DCP1B: variants seen among roughly 807,000 people sequenced by gnomAD.
The protein encoded by DCP1B is mRNA-decapping enzyme 1B.
In DCP1B, 47 loss-of-function variants were observed where a neutral mutation model predicts 60.5. That is an observed-to-expected ratio of 0.78 (90% CI 0.61 to 0.99). The LOEUF (loss-of-function observed/expected upper bound fraction) is 0.99, where lower values mean the gene tolerates loss of function less well. DCP1B is among the 50% of genes least tolerant of loss of function. DCP1B has a pLI of 0.00. For missense variants in DCP1B, 725 were observed against 756.8 expected, an observed-to-expected ratio of 0.96 and a Z score of 0.49; for synonymous variants, 267 against 280.3, an observed-to-expected ratio of 0.95 and a Z score of 0.47.
At chr12:1,987,137 C>T (rs1264714489) in intron 3 of DCP1B, among the ~76,000 whole-genome samples, 1 of 152,162 alleles carries the variant, frequency 6.6e-6, no homozygotes, top group Admixed American at 6.5e-5. Context: ...GCTTTACAAA[C>T]GATTTGTTAA....
chr12:1,977,913 T>C (rs750016866), intron 3 of DCP1B, among the ~76,000 whole-genome samples: 5 of 152,226 alleles, frequency 3.3e-5, no homozygotes, highest in Non-Finnish European at 5.9e-5. Context: ...TGTTCTATAA[T>C]AGCCACCAAG....
intron 7 of DCP1B, among the ~76,000 whole-genome samples, chr12:1,951,133 G>C (rs2030652138): frequency 6.6e-6 from 1 of 152,138 alleles, no homozygotes; most frequent in Admixed American, 6.5e-5. Flanking sequence ...AAATTAGCCA[G>C]GTGTGGTGGC....
chr12:1,974,757 T>C (rs186193471), intron 3 of DCP1B, among the ~76,000 whole-genome samples: 1 of 152,290 alleles, frequency 6.6e-6, no homozygotes, highest in Non-Finnish European at 1.5e-5. Flanking sequence ...AAGATTTAGA[T>C]GCATGTCAGT....
chr12:1,971,456 T>C lies in DCP1B; in HGVS notation c.320-3546A>G, dbSNP rs1237679218. 1.3e-5 allele frequency among the ~76,000 whole-genome samples: 2 copies of C among 152,252 alleles called. No individual in the cohort carries two copies. Among genetic ancestry groups the C allele is most frequent in the Non-Finnish European group, 2.9e-5 (2 of 68,036 alleles). ...GCAATGCAATACTGCCTTTACATAA[T>C]GAAACACCAATCTTTTACTTTCCTT... On this transcript the variant is annotated intron_variant, in intron 3 of 8. Coordinates refer to ENST00000280665, the MANE Select transcript of DCP1B (RefSeq NM_152640.5). This position sits in a 1 kb window ranked among gnomAD's most constrained non-coding sequence, Gnocchi z 4.2.
rs1015761556 is a variant in DCP1B, at chr12:1,990,009, G to A, written c.319+3255C>T. Among the ~76,000 whole-genome samples the A allele has an allele frequency of 2.2e-4, 33 of 152,238 alleles. No homozygotes were observed. The South Asian group carries it at 3.9e-3, about 18-fold the overall frequency. ...TTGGAGCGTACTCTAAAATAACTAA[G>A]TGTTTGTAAATGATAAACTTGGCTC... is the stretch of plus-strand genomic sequence containing the variant. On this transcript the variant is annotated intron_variant, in intron 3 of 8. Transcript: ENST00000280665.
chr12:1,963,136 C>T (rs558536410), intron 5 of DCP1B, among the ~76,000 whole-genome samples: 48 of 152,224 alleles, frequency 3.2e-4, no homozygotes, highest in Non-Finnish European at 6.6e-4. Flanking sequence ...CATCTTATCA[C>T]ATTAGGAAGC....
At chr12:1,990,651 T>C (rs150501551) in intron 3 of DCP1B, among the ~76,000 whole-genome samples, 2 of 152,092 alleles carry the variant, frequency 1.3e-5, no homozygotes, top group Non-Finnish European at 2.9e-5. Context: ...CATAAGCCAA[T>C]GTGAAATGCA....
rs917661411 is a variant in DCP1B at position 1,971,095 on chromosome 12, T to C, written c.320-3185A>G. 2.3e-6 allele frequency: 3 copies of C among 1,288,910 alleles called. No homozygotes were observed. The highest frequency in any genetic ancestry group is 4.6e-5 in the Admixed American group (2 of 43,568). 79.8% of individuals were successfully genotyped at this position (1,288,910 alleles called of 1,614,324 possible). ...GAGCCTTTGTTCAGCCTGGTACGCC[T>C]GCATACCAGCCGCTTCCCAGCCACC... On this transcript the variant is annotated intron_variant, in intron 3 of 8. Coordinates refer to ENST00000280665, the MANE Select transcript of DCP1B (RefSeq NM_152640.5). This position sits in a 1 kb window ranked among gnomAD's most constrained non-coding sequence, Gnocchi z 4.2.
At chr12:1,983,686 C>T (rs542873149) in intron 3 of DCP1B, among the ~76,000 whole-genome samples, 6 of 151,980 alleles carry the variant, frequency 3.9e-5, no homozygotes, top group East Asian at 1.9e-4. Flanking sequence ...TTGAGAAGAA[C>T]GTCCATTCTG....
chr12:1,993,337 A>T lies in DCP1B; in HGVS notation c.246T>A (p.Asn82Lys). The T allele has an allele frequency of 6.2e-7, 1 of 1,614,068 alleles. No homozygotes were observed. Among genetic ancestry groups the T allele is most frequent in the Non-Finnish European group, 8.5e-7 (1 of 1,179,962 alleles). Residue 82 changes from asparagine (N) to lysine (K), a missense_variant, in exon 3 of 9, where the codon AAT becomes AAA. Asn to Lys is a moderately conservative substitution (Grantham distance 94). Coordinates refer to ENST00000280665, the MANE Select transcript of DCP1B (RefSeq NM_152640.5). ...AGTCTTTAGTAATAGGTTCTGTCCT[A>T]TTTTCCATGCTCAGCCTATTCATAA... ...FTIMNRLSME[N>K]RTEPITKDLD... is the part of the protein sequence containing the mutation.
chr12:1,955,400 A>C, intron 6 of DCP1B, 32 bp downstream of exon 6: 1 of 1,597,490 alleles, frequency 6.3e-7, no homozygotes, highest in Non-Finnish European at 8.5e-7. Context: ...TTCTAGAGAC[A>C]CACTGAATAT....
chr12:1,976,802 T>C (rs755561914), intron 3 of DCP1B, among the ~76,000 whole-genome samples: 9 of 142,066 alleles, frequency 6.3e-5, no homozygotes, highest in Non-Finnish European at 1.1e-4. Flanking sequence ...TCTAAAACAA[T>C]GTCTGGCACA....
At chr12:1,955,396 A>G in intron 6 of DCP1B, 36 bp downstream of exon 6, 1 of 1,592,104 alleles carries the variant, frequency 6.3e-7, no homozygotes, top group Non-Finnish European at 8.6e-7. Context: ...AGAATTCTAG[A>G]GACACACTGA....
At chr12:1,945,870 C>T (rs979718560), downstream of DCP1B, among the ~76,000 whole-genome samples, 2 of 152,048 alleles carry the variant, frequency 1.3e-5, no homozygotes, top group East Asian at 1.9e-4. Context: ...ACATCACACA[C>T]TGGGGTCTGT....
chr12:1,995,471 T>C (rs550323317), intron 2 of DCP1B, among the ~76,000 whole-genome samples: 2 of 152,386 alleles, frequency 1.3e-5, no homozygotes, highest in African/African-American at 2.4e-5. Context: ...GGGAGCATAA[T>C]GTAGACTCAT....
At chr12:1,992,911 C>T (rs990514469) in intron 3 of DCP1B, 12 of 529,510 alleles carry the variant, frequency 2.3e-5, no homozygotes, top group African/African-American at 3.8e-5. Context: ...GTTAATTCTT[C>T]GTTCAGGGAG....
Position 1,948,383 on chromosome 12 carries a change from TCA to T in DCP1B, c.1773+701_1773+702del, listed in dbSNP as rs1301078600. On this transcript the variant is annotated intron_variant, in intron 8 of 8. Coordinates refer to ENST00000280665, the MANE Select transcript of DCP1B (RefSeq NM_152640.5). This position sits in a 1 kb window ranked among gnomAD's most constrained non-coding sequence, Gnocchi z 4.8. ...CGTGCCTCAGGCCAGTTGCTCAGCC[TCA>T]GTTTCCTTGTCTGTAGAATGGGAAA... Among the ~76,000 whole-genome samples the T allele has an allele frequency of 6.6e-6, 1 of 152,200 alleles. No individual in the cohort carries two copies. The highest frequency in any genetic ancestry group is 1.5e-5 in the Non-Finnish European group (1 of 68,040).
Position 1,993,348 on chromosome 12 carries a change from T to C in DCP1B, c.235A>G (p.Ser79Gly), listed in dbSNP as rs1279807407. Residue 79 changes from serine (S) to glycine (G), a missense_variant, in exon 3 of 9, where the codon AGC becomes GGC. Transcript: ENST00000280665. ...KHGFTIMNRLSMENRTEPITK... is the reference protein window; with the variant it reads ...KHGFTIMNRLGMENRTEPITK... ...ATAGGTTCTGTCCTATTTTCCATGC[T>C]CAGCCTATTCATAATGGTGAATCCA... 1.9e-6 allele frequency: 3 copies of C among 1,613,938 alleles called. No homozygotes were observed. Among genetic ancestry groups the C allele is most frequent in the Non-Finnish European group, 2.5e-6 (3 of 1,179,940 alleles).
chr12:1,953,477 T>C (rs1318256350), intron 6 of DCP1B, among the ~76,000 whole-genome samples, 189 bp from the exon 7 acceptor site: 3 of 151,982 alleles, frequency 2.0e-5, no homozygotes, highest in Non-Finnish European at 4.4e-5. Context: ...CACAGCATGC[T>C]CCCCTTGCAC....
Sources: gnomAD v4.1 joint callset for allele counts (sites outside exome capture counted in the v4.1 genomes callset) on GRCh38, gnomAD v4.1.1 for gene constraint, Gnocchi (gnomAD v3.1) non-coding constraint, MANE v1.5 for transcripts, NCBI Gene and HGNC (gene_info 2026-07-23, HGNC 2026-07-21) for gene names.